FILIP1L: variants seen among roughly 807,000 people sequenced by gnomAD.
The protein encoded by FILIP1L is filamin A interacting protein 1 like.
FILIP1L carries 55 observed loss-of-function variants against 96.6 expected under a neutral mutation model. The observed-to-expected ratio is 0.57, with a 90% CI of 0.46 to 0.71. FILIP1L has a LOEUF of 0.71. FILIP1L is among the 30% of genes least tolerant of loss of function. FILIP1L has a pLI of 0.00. For missense variants in FILIP1L, 1,304 were observed against 1,321.2 expected (o/e 0.99, Z 0.20); for synonymous variants, 467 against 473.9 (o/e 0.99, Z 0.19).
chr3:100,061,132 T>A (rs1186678559), intron 1 of FILIP1L, among the ~76,000 whole-genome samples: 2 of 151,742 alleles, frequency 1.3e-5, no homozygotes, highest in African/African-American at 2.4e-5. Context: ...AAGGCACTGT[T>A]AAAATTTAAA....
At chr3:100,046,765 G>C (rs898768041) in intron 1 of FILIP1L, among the ~76,000 whole-genome samples, 8 of 152,284 alleles carry the variant, frequency 5.3e-5, no homozygotes, top group African/African-American at 1.4e-4. Flanking sequence ...CTTCAAACCT[G>C]ATAAGGCCAG....
chr3:100,083,852 GC>G (rs1389825878), intron 1 of FILIP1L, among the ~76,000 whole-genome samples: 1 of 152,096 alleles, frequency 6.6e-6, no homozygotes, highest in African/African-American at 2.4e-5. Context: ...TAGTATTAAG[GC>G]ATGAGCCACG....
intron 1 of FILIP1L, among the ~76,000 whole-genome samples, chr3:99,944,873 A>T (rs1707962168): frequency 6.6e-6 from 1 of 152,204 alleles, no homozygotes; most frequent in Admixed American, 6.5e-5. Context: ...AAAAACATAG[A>T]TCACCAGGGA....
intron 1 of FILIP1L, among the ~76,000 whole-genome samples, chr3:100,062,906 T>C (rs544955432): frequency 2.6e-5 from 4 of 152,330 alleles, no homozygotes; most frequent in South Asian, 2.1e-4. Context: ...TCTAGTCTTA[T>C]AACCTTGAGC....
chr3:99,950,525 G>A (rs1708145060), intron 1 of FILIP1L, among the ~76,000 whole-genome samples: 1 of 152,098 alleles, frequency 6.6e-6, no homozygotes, highest in Non-Finnish European at 1.5e-5. Context: ...CTCCCCTGGT[G>A]ACTTTCCTTC....
At chr3:99,962,228 TGAG>T (rs1249485116) in intron 1 of FILIP1L, among the ~76,000 whole-genome samples, 4 of 150,912 alleles carry the variant, frequency 2.7e-5, no homozygotes, top group African/African-American at 9.8e-5. Context: ...AAGTGGGAGG[TGAG>T]GAGTGGGGAA....
intron 4 of FILIP1L, among the ~76,000 whole-genome samples, chr3:99,883,296 TCCATGACA>T (rs1019943510): frequency 2.0e-5 from 3 of 152,210 alleles, no homozygotes; most frequent in African/African-American, 7.2e-5. Context: ...TCTTCATCTT[TCCATGACA>T]CCATGTTGAA....
chr3:100,062,305 G>C (rs1012342821), intron 1 of FILIP1L, among the ~76,000 whole-genome samples: 1 of 151,512 alleles, frequency 6.6e-6, no homozygotes, highest in Admixed American at 6.6e-5. Context: ...TGGAGACGAG[G>C]TTTCACCGTG....
chr3:99,880,720 C>A (rs929159065), intron 4 of FILIP1L, among the ~76,000 whole-genome samples: 13 of 151,786 alleles, frequency 8.6e-5, no homozygotes, highest in Non-Finnish European at 1.8e-4. Context: ...AATAGGCACC[C>A]TTCATAATTT....
chr3:100,024,098 T>C (rs2064875883), intron 1 of FILIP1L, among the ~76,000 whole-genome samples: 1 of 152,142 alleles, frequency 6.6e-6, no homozygotes, highest in Non-Finnish European at 1.5e-5. Flanking sequence ...AACTACATCT[T>C]CCACACTCCG....
At chr3:100,094,674 C>CTTTTTT (rs71132509) in intron 1 of FILIP1L, among the ~76,000 whole-genome samples, 1 of 57,000 alleles carries the variant, frequency 1.8e-5, no homozygotes, top group Non-Finnish European at 3.2e-5. Flanking sequence ...GAAAAGCTGC[C>CTTTTTT]TTTTTTTTTT....
At position 99,889,489 on chromosome 3, in the gene FILIP1L, G is replaced by A. The variant is rs568270376; in HGVS notation, c.605+34741C>T. 4.1e-3 allele frequency among the ~76,000 whole-genome samples: 627 copies of A among 151,854 alleles called. 7 individuals carry two copies. Among genetic ancestry groups the A allele is most frequent in the African/African-American group, 0.013 (552 of 41,440 alleles). On this transcript the variant is annotated intron_variant, in intron 4 of 5. Transcript: ENST00000477258. ...TTCTGGTGAGTCTCATATAAATAAC[G>A]TATAGCTAGGAATTATAATTGTTAA... is the stretch of plus-strand genomic sequence containing the variant.
chr3:99,879,656 C>A (rs1387703320), intron 4 of FILIP1L, among the ~76,000 whole-genome samples: 2 of 152,174 alleles, frequency 1.3e-5, no homozygotes, highest in Non-Finnish European at 2.9e-5. Context: ...GTCCTTTGGT[C>A]ATTTAAGCAG....
At chr3:99,992,058 A>G (rs1397961283) in intron 1 of FILIP1L, among the ~76,000 whole-genome samples, 1 of 151,098 alleles carries the variant, frequency 6.6e-6, no homozygotes, top group East Asian at 1.9e-4. Flanking sequence ...CTTTCTTTAT[A>G]TAGTCCTCCA....
intron 1 of FILIP1L, 58 bp from the exon 2 acceptor site, chr3:99,931,088 A>T: frequency 7.2e-7 from 1 of 1,387,734 alleles, no homozygotes; most frequent in Non-Finnish European, 1.0e-6. Flanking sequence ...TAATAAGAGT[A>T]CCTATTACTG....
chr3:99,972,783 G>C (rs1419325717), intron 1 of FILIP1L, among the ~76,000 whole-genome samples: 2 of 152,200 alleles, frequency 1.3e-5, no homozygotes, highest in Non-Finnish European at 2.9e-5. Context: ...TGTTAATGAT[G>C]TTAACTTCCA....
chr3:99,981,020 A>G (rs1709106721), intron 1 of FILIP1L, among the ~76,000 whole-genome samples: 1 of 152,168 alleles, frequency 6.6e-6, no homozygotes, highest in African/African-American at 2.4e-5. Flanking sequence ...TGAAGAGACA[A>G]TTGGTCTTGC....
intron 1 of FILIP1L, among the ~76,000 whole-genome samples, chr3:99,984,041 G>A (rs918228945): frequency 6.3e-4 from 10 of 15,928 alleles, no homozygotes; most frequent in African/African-American, 3.5e-3. Context: ...CATGAAAAAG[G>A]ATGTATATGT....
At chr3:99,982,901 G>A (rs910544292) in intron 1 of FILIP1L, among the ~76,000 whole-genome samples, 1 of 152,166 alleles carries the variant, frequency 6.6e-6, no homozygotes, top group Non-Finnish European at 1.5e-5. Context: ...GAAGACAGCT[G>A]TGTTAAACAT....
Sources: gnomAD v4.1 joint callset for allele counts (sites outside exome capture counted in the v4.1 genomes callset) on GRCh38, gnomAD v4.1.1 for gene constraint, MANE v1.5 for transcripts, NCBI Gene and HGNC (gene_info 2026-07-23, HGNC 2026-07-21) for gene names.